Variants in MYPN observed in about 807,000 individuals in gnomAD.
MYPN encodes myopalladin.
A neutral mutation model predicts 129.4 loss-of-function variants in MYPN; 63 were observed. The observed-to-expected ratio is 0.49, with a 90% CI of 0.40 to 0.60. The LOEUF (loss-of-function observed/expected upper bound fraction) is 0.60. MYPN is among the 20% of genes least tolerant of loss of function. The probability of loss-of-function intolerance (pLI) is 0.00; values close to 1 mark genes in which losing one functional copy is unlikely to be tolerated. For missense variants in MYPN, 1,596 were observed against 1,635.4 expected (o/e 0.98, Z 0.42); for synonymous variants, 629 against 600.9 (o/e 1.05, Z -0.68).
intron 1 of MYPN, among the ~76,000 whole-genome samples, chr10:68,112,922 C>T (rs920454766): frequency 2.1e-4 from 32 of 152,154 alleles, no homozygotes; most frequent in Non-Finnish European, 4.4e-4. Context: ...CATAACTCTC[C>T]AGGACTGGTT....
rs1325667003 is a variant in MYPN, at chr10:68,199,532, C to A, written c.3450C>A (p.Asn1150Lys). The A allele has an allele frequency of 1.2e-6, 2 of 1,614,028 alleles. No individual in the cohort carries two copies. Among genetic ancestry groups the A allele is most frequent in the South Asian group, 1.1e-5 (1 of 91,092 alleles). ...DAGTYKCIATNKTGQNSFSLE... is the reference protein window; with the variant it reads ...DAGTYKCIATKKTGQNSFSLE... ...GGACCTATAAGTGCATCGCTACCAA[C>A]AAAACCGGGCAGAATTCTTTTAGTC... The change falls in exon 17 of 20, where the codon AAC (asparagine) becomes AAA (lysine). Residue 1150 changes from asparagine to lysine, a missense_variant. Physicochemically the swap from Asn to Lys is moderately conservative, Grantham distance 94. Coordinates refer to ENST00000358913, the MANE Select transcript of MYPN (RefSeq NM_032578.4).
intron 19 of MYPN, among the ~76,000 whole-genome samples, chr10:68,209,687 T>TC (rs1589622092): frequency 1.6e-5 from 2 of 128,210 alleles, no homozygotes; most frequent in East Asian, 4.3e-4. Flanking sequence ...TTTTTTTTTT[T>TC]TGTTTGTTTT....
intron 13 of MYPN, among the ~76,000 whole-genome samples, chr10:68,190,042 C>A (rs1191547663): frequency 6.6e-6 from 1 of 151,002 alleles, no homozygotes; most frequent in Non-Finnish European, 1.5e-5. Flanking sequence ...TTTTTTTTGT[C>A]TTTTTGGTAA....
At chr10:68,140,530 G>A (rs2042560525) in intron 2 of MYPN, among the ~76,000 whole-genome samples, 1 of 151,644 alleles carries the variant, frequency 6.6e-6, no homozygotes. Flanking sequence ...GGTGAAGTTA[G>A]AAAATGTAAC....
chr10:68,121,404 A>G, intron 1 of MYPN, 34 bp from the exon 2 acceptor site: 1 of 1,593,726 alleles, frequency 6.3e-7, no homozygotes, highest in Admixed American at 1.8e-5. Context: ...CCTAGAAATG[A>G]TCCAAACTTT....
chr10:68,162,505 C>T (rs548485938), intron 8 of MYPN, among the ~76,000 whole-genome samples: 4 of 152,252 alleles, frequency 2.6e-5, no homozygotes, highest in South Asian at 2.1e-4. Context: ...GAGGATACTA[C>T]GACGAGATAC....
At position 68,165,729 on chromosome 10, in the gene MYPN, A is replaced by G. The variant is rs758855923; in HGVS notation, c.1511A>G (p.Glu504Gly). ...GAGATTTGCACCTTGGTCATTGCTG[A>G]GGTGTTTGCAGAAGATTCTGGGTGC... The part of the protein sequence containing the change: ...PEEICTLVIA[E>G]VFAEDSGCFT... The change falls in exon 9 of 20, where the codon GAG becomes GGG. Residue 504 changes from glutamate (E) to glycine (G), a missense_variant. Coordinates refer to ENST00000358913, the MANE Select transcript of MYPN (RefSeq NM_032578.4). 1 of 1,614,146 alleles carries G rather than the reference A, an allele frequency of 6.2e-7. No homozygotes were observed. Among genetic ancestry groups the G allele is most frequent in the South Asian group, 1.1e-5 (1 of 91,088 alleles).
intron 18 of MYPN, among the ~76,000 whole-genome samples, chr10:68,202,427 C>T (rs910937000): frequency 1.5e-4 from 22 of 150,284 alleles, no homozygotes; most frequent in East Asian, 1.9e-4. Context: ...AGTGAGACTC[C>T]GTCTCAAAAA....
intron 1 of MYPN, among the ~76,000 whole-genome samples, chr10:68,118,307 T>G (rs2042187247): frequency 6.6e-6 from 1 of 152,200 alleles, no homozygotes; most frequent in Non-Finnish European, 1.5e-5. Context: ...TTTAAGGACT[T>G]TGCCTTTGAT....
At chr10:68,089,834 T>C (rs1156632365) in intron 1 of MYPN, among the ~76,000 whole-genome samples, 2 of 152,308 alleles carry the variant, frequency 1.3e-5, no homozygotes, top group Admixed American at 6.5e-5. Flanking sequence ...TTCAGTGTTA[T>C]ATATAATGAA....
In MYPN at chr10:68,211,144, C is replaced by G. The variant is rs532913377; in HGVS notation, c.*689C>G. 7.0e-5 allele frequency: 32 copies of G among 454,076 alleles called. No individual in the cohort carries two copies. The highest frequency in any genetic ancestry group is 4.5e-4 in the South Asian group (29 of 64,472). 28.1% of individuals were successfully genotyped at this position (454,076 alleles called of 1,614,324 possible). On this transcript the variant is annotated 3_prime_UTR_variant, in exon 20 of 20. Transcript: ENST00000358913. ...CCAAAGCATGGCCTTACCAGCTTGTCTGCACTATTTTCTTTTGGGTGGTGA... is the reference window on the plus strand; with the variant it reads ...CCAAAGCATGGCCTTACCAGCTTGTGTGCACTATTTTCTTTTGGGTGGTGA...
chr10:68,110,998 C>T (rs2042073731), intron 1 of MYPN, among the ~76,000 whole-genome samples: 1 of 152,164 alleles, frequency 6.6e-6, no homozygotes, highest in African/African-American at 2.4e-5. Context: ...TAGTATATGG[C>T]TAATGCTACT....
intron 2 of MYPN, among the ~76,000 whole-genome samples, chr10:68,129,936 T>C (rs535798767): frequency 7.2e-5 from 11 of 152,230 alleles, no homozygotes; most frequent in Non-Finnish European, 7.3e-5. Flanking sequence ...TATTTTTGGA[T>C]TTGGGATGCT....
intron 1 of MYPN, among the ~76,000 whole-genome samples, chr10:68,114,759 C>T (rs931709107): frequency 3.9e-5 from 6 of 152,124 alleles, no homozygotes; most frequent in African/African-American, 9.7e-5. Context: ...GTAAAATAAG[C>T]TGTCTATGTT....
chr10:68,116,438 A>C (rs2042158191), intron 1 of MYPN, among the ~76,000 whole-genome samples: 1 of 152,244 alleles, frequency 6.6e-6, no homozygotes, highest in African/African-American at 2.4e-5. Context: ...TGACTTTCTC[A>C]AGAAAACAAA....
At chr10:68,157,924 C>T (rs896126160) in intron 6 of MYPN, among the ~76,000 whole-genome samples, 9 of 151,486 alleles carry the variant, frequency 5.9e-5, no homozygotes, top group African/African-American at 1.7e-4. Flanking sequence ...AAAAACCACC[C>T]CAAAGACACT....
In MYPN at chr10:68,156,031, A is replaced by G. The variant is rs907652477; in HGVS notation, c.1318-2455A>G. On this transcript the variant is annotated intron_variant, in intron 6 of 19. Coordinates refer to ENST00000358913, the MANE Select transcript of MYPN (RefSeq NM_032578.4). ...ATTTTCTCAAGGAGATCCTTTTGCA[A>G]GCAGGGCTTTTGTGTAATCTCTGCA... Among the ~76,000 whole-genome samples the G allele has an allele frequency of 3.3e-5, 5 of 152,212 alleles. No individual in the cohort carries two copies. The East Asian group carries it at 9.6e-4, about 29-fold the overall frequency.
intron 4 of MYPN, 65 bp from the exon 5 acceptor site, chr10:68,148,288 C>T: frequency 7.6e-7 from 1 of 1,308,692 alleles, no homozygotes; most frequent in Admixed American, 1.7e-5. Flanking sequence ...TACTAGTTTT[C>T]CTAAAATAAT....
chr10:68,152,986 A>C (rs2042802796), intron 6 of MYPN, among the ~76,000 whole-genome samples: 1 of 149,574 alleles, frequency 6.7e-6, no homozygotes, highest in South Asian at 2.1e-4. Flanking sequence ...TATTTATTTT[A>C]TTTTATTTTA....
Sources: gnomAD v4.1 joint callset for allele counts (sites outside exome capture counted in the v4.1 genomes callset) on GRCh38, gnomAD v4.1.1 for gene constraint, MANE v1.5 for transcripts, NCBI Gene and HGNC (gene_info 2026-07-23, HGNC 2026-07-21) for gene names.